TASP1: variants seen among roughly 807,000 people sequenced by gnomAD.
The protein encoded by TASP1 is taspase 1.
In TASP1, 16 loss-of-function variants were observed where a neutral mutation model predicts 56.6. The ratio of observed to expected loss-of-function variants is 0.28; its 90% CI spans 0.19 to 0.43. The LOEUF (loss-of-function observed/expected upper bound fraction) is 0.43. Among genes scored for constraint, TASP1 ranks in the 20% least tolerant of loss-of-function variants. TASP1 has a pLI of 1.00. For missense variants in TASP1, 393 were observed against 511.6 expected (o/e 0.77, Z 2.24); for synonymous variants, 179 against 184.2 (o/e 0.97, Z 0.23).
chr20:13,133,578 A>G, the TASP1 span, among the ~76,000 whole-genome samples: 1 of 152,160 alleles, frequency 6.6e-6, no homozygotes, highest in Non-Finnish European at 1.5e-5. Context: ...TACTAAAAAT[A>G]CAAAAATTAG....
chr20:13,293,759 A>T, the TASP1 span, among the ~76,000 whole-genome samples: 1 of 152,154 alleles, frequency 6.6e-6, no homozygotes, highest in Non-Finnish European at 1.5e-5. Context: ...GGATCACCTG[A>T]GGCCAGGAGT....
the TASP1 span, among the ~76,000 whole-genome samples, chr20:13,185,119 T>C: frequency 6.6e-6 from 1 of 152,086 alleles, no homozygotes; most frequent in Admixed American, 6.6e-5. Flanking sequence ...AATAATTTCA[T>C]ATAATAAATA....
chr20:13,615,413 C>G (rs1485402558), intron 4 of TASP1, among the ~76,000 whole-genome samples: 3 of 150,966 alleles, frequency 2.0e-5, no homozygotes, highest in South Asian at 2.1e-4. Context: ...TAGTGAGGTA[C>G]AATCCTTCAT....
chr20:13,560,182 A>G (rs534153516), intron 7 of TASP1, among the ~76,000 whole-genome samples: 35 of 152,318 alleles, frequency 2.3e-4, no homozygotes, highest in South Asian at 1.5e-3. Context: ...CATAACACTG[A>G]CAAAGTTATT....
At position 13,389,440 on chromosome 20, in the gene TASP1, C is replaced by T. The variant is rs1389335699; in HGVS notation, c.*920G>A. 6.6e-6 allele frequency: 1 copy of T among 152,246 alleles called. No homozygotes were observed. The highest frequency in any genetic ancestry group is 1.9e-4 in the East Asian group (1 of 5,196). 9.4% of individuals were successfully genotyped at this position (152,246 alleles called of 1,614,324 possible). ...TTAGTCTGAGAAGAGGAGTCACATA[C>T]TATACCCAGTAATACGCTTCTTTTA... On this transcript the variant is annotated 3_prime_UTR_variant, in exon 14 of 14. Transcript: ENST00000337743.
chr20:13,270,262 T>C, the TASP1 span, among the ~76,000 whole-genome samples: 1 of 152,206 alleles, frequency 6.6e-6, no homozygotes, highest in Admixed American at 6.5e-5. Flanking sequence ...GCTTAATAAA[T>C]AGCCCATAAC....
At chr20:13,616,478 C>T (rs1466477192) in intron 4 of TASP1, among the ~76,000 whole-genome samples, 3 of 151,806 alleles carry the variant, frequency 2.0e-5, no homozygotes, top group Non-Finnish European at 4.4e-5. Flanking sequence ...AAGAAATGGC[C>T]GGAAAAGCCT....
the TASP1 span, among the ~76,000 whole-genome samples, chr20:13,196,212 GACCAAGCTATTAAACTA>G: frequency 5.3e-5 from 8 of 152,084 alleles, no homozygotes; most frequent in Non-Finnish European, 4.4e-5. Context: ...CTAGTAAACT[GACCAAGCTATTAAACTA>G]ACCATCAAAC....
chr20:13,348,883 C>A, the TASP1 span, among the ~76,000 whole-genome samples: 2 of 152,180 alleles, frequency 1.3e-5, no homozygotes, highest in Non-Finnish European at 2.9e-5. Flanking sequence ...CACAGCCAAT[C>A]AAGCGTATCA....
the TASP1 span, among the ~76,000 whole-genome samples, chr20:13,345,336 G>C: frequency 6.6e-6 from 1 of 152,146 alleles, no homozygotes; most frequent in East Asian, 1.9e-4. Flanking sequence ...GACCTGTAAG[G>C]CCTTTGGGTG....
chr20:13,236,098 T>C, the TASP1 span, among the ~76,000 whole-genome samples: 3 of 152,192 alleles, frequency 2.0e-5, no homozygotes, highest in East Asian at 5.8e-4. Flanking sequence ...CTAATTTTTA[T>C]ATTTTTAGTA....
At chr20:13,370,093 C>T in the TASP1 span, among the ~76,000 whole-genome samples, 4 of 152,216 alleles carry the variant, frequency 2.6e-5, no homozygotes, top group East Asian at 1.9e-4. Flanking sequence ...TGACAAAAGA[C>T]AATCAACAGA....
In TASP1 at chr20:13,572,685, C is replaced by CAAAAA. The variant is rs71188164; in HGVS notation, c.489-3104_489-3100dup. ...TAGGTGACAGAGTGAGACTCCATCT[C>CAAAAA]AAAAAAAAAAAAAAAAAAAACTCTC... On this transcript the variant is annotated intron_variant, in intron 6 of 13. Coordinates refer to ENST00000337743, the MANE Select transcript of TASP1 (RefSeq NM_017714.3). Among the ~76,000 whole-genome samples the CAAAAA allele has an allele frequency of 1.2e-3, 102 of 83,642 alleles. 4 individuals carry two copies. Among genetic ancestry groups the CAAAAA allele is most frequent in the Non-Finnish European group, 1.7e-3 (76 of 44,646 alleles). 54.9% of individuals were successfully genotyped at this position (83,642 alleles called of 152,430 possible). A position where few individuals can be genotyped will look rare whatever the true frequency, so the allele number is the denominator to read the frequency against.
chr20:13,373,050 T>C, the TASP1 span, among the ~76,000 whole-genome samples: 5 of 151,774 alleles, frequency 3.3e-5, no homozygotes, highest in African/African-American at 1.2e-4. Context: ...CAAAGAAGAG[T>C]AGGTATTTAT....
intron 13 of TASP1, chr20:13,393,020 C>T (rs1256994111): frequency 6.9e-6 from 4 of 583,180 alleles, no homozygotes; most frequent in African/African-American, 5.6e-5. Context: ...CAGCAGGGAG[C>T]CAAAAGGGTC....
At chr20:13,525,726 C>T (rs2044950659) in intron 10 of TASP1, among the ~76,000 whole-genome samples, 1 of 152,202 alleles carries the variant, frequency 6.6e-6, no homozygotes, top group South Asian at 2.1e-4. Context: ...GATCACCCAA[C>T]TCTGCCATGT....
At chr20:13,113,933 C>A in the TASP1 span, among the ~76,000 whole-genome samples, 1 of 152,294 alleles carries the variant, frequency 6.6e-6, no homozygotes, top group East Asian at 1.9e-4. Flanking sequence ...CATGTGCAGC[C>A]TTGAGTAAGC....
the TASP1 span, among the ~76,000 whole-genome samples, chr20:13,107,775 CT>C: frequency 0.33 from 46,786 of 141,830 alleles, 8,762 homozygotes; most frequent in African/African-American, 0.56. Context: ...GGAAAATGAC[CT>C]TTTTTTTTTT....
At chr20:13,534,987 T>C (rs773441415) in intron 8 of TASP1, among the ~76,000 whole-genome samples, 12 of 152,174 alleles carry the variant, frequency 7.9e-5, no homozygotes, top group Non-Finnish European at 1.8e-4. Flanking sequence ...TTTAGGTTAA[T>C]AGTAGTCATG....
Sources: allele counts gnomAD v4.1 joint callset (sites outside exome capture counted in the v4.1 genomes callset), GRCh38; gene constraint gnomAD v4.1.1; transcripts MANE v1.5; gene names NCBI Gene and HGNC (gene_info 2026-07-23, HGNC 2026-07-21).